Variants in SYTL5 observed in about 807,000 individuals in gnomAD.
SYTL5 encodes synaptotagmin like 5.
SYTL5 carries 34 observed loss-of-function variants against 55.9 expected under a neutral mutation model. That is an observed-to-expected ratio of 0.61 (90% CI 0.46 to 0.81). The LOEUF is 0.81. Among genes scored for constraint, SYTL5 ranks in the 30% least tolerant of loss-of-function variants. SYTL5 has a pLI of 0.00. For synonymous variants in SYTL5, 221 were observed against 188.7 expected, an observed-to-expected ratio of 1.17 and a Z score of -1.40; for missense variants, 637 against 546.7, an observed-to-expected ratio of 1.17 and a Z score of -1.65.
At chrX:38,026,565 G>A (rs1201220098) in intron 1 of SYTL5, among the ~76,000 whole-genome samples, 1 of 111,926 alleles carries the variant, frequency 8.9e-6, no homozygotes, top group Non-Finnish European at 1.9e-5. Context: ...CAGCCCCAAG[G>A]GCTGTTGGTT....
At chrX:37,954,569 C>T in the SYTL5 span, among the ~76,000 whole-genome samples, 1 of 111,775 alleles carries the variant, frequency 8.9e-6, no homozygotes, top group Non-Finnish European at 1.9e-5. Flanking sequence ...AATGGTAGAC[C>T]TCTCTATGAA....
chrX:37,910,768 T>A, the SYTL5 span, among the ~76,000 whole-genome samples: 1 of 111,803 alleles, frequency 8.9e-6, no homozygotes, highest in Non-Finnish European at 1.9e-5. Context: ...GAATTTCTGA[T>A]TCCATAGGTG....
the SYTL5 span, among the ~76,000 whole-genome samples, chrX:37,948,222 T>G: frequency 9.0e-6 from 1 of 111,081 alleles, no homozygotes; most frequent in African/African-American, 3.3e-5. Context: ...ACAGGGAACC[T>G]TATATAACAG....
At chrX:38,085,241 G>A (rs1936639124) in intron 6 of SYTL5, among the ~76,000 whole-genome samples, 1 of 111,567 alleles carries the variant, frequency 9.0e-6, no homozygotes, top group African/African-American at 3.3e-5. Flanking sequence ...TTTCAGCCTT[G>A]GCTTCATATT....
chrX:37,959,474 C>T, the SYTL5 span, among the ~76,000 whole-genome samples: 1 of 111,553 alleles, frequency 9.0e-6, no homozygotes, highest in Admixed American at 9.4e-5. Flanking sequence ...AGCTCAGGTA[C>T]CGCGGTTTAA....
the SYTL5 span, among the ~76,000 whole-genome samples, chrX:37,921,522 T>C: frequency 8.9e-6 from 1 of 111,836 alleles, no homozygotes; most frequent in Non-Finnish European, 1.9e-5. Context: ...TTCAGAATTA[T>C]TCACATCATT....
intron 8 of SYTL5, among the ~76,000 whole-genome samples, chrX:38,095,114 A>G (rs1569184448): frequency 8.9e-6 from 1 of 112,049 alleles, no homozygotes; most frequent in Non-Finnish European, 1.9e-5. Flanking sequence ...TTATATATGC[A>G]TAAAGCCTAA....
At chrX:38,084,664 G>C (rs1221950193) in intron 6 of SYTL5, among the ~76,000 whole-genome samples, 2 of 110,371 alleles carry the variant, frequency 1.8e-5, no homozygotes, top group Non-Finnish European at 3.8e-5. Context: ...TGTGAGAGCA[G>C]AGGAAAAACA....
chrX:37,906,230 T>G, the SYTL5 span: 1 of 111,861 alleles, frequency 8.9e-6, no homozygotes, highest in African/African-American at 3.3e-5. Flanking sequence ...CTGTCTGCCT[T>G]TGCTTCCTCC....
intron 3 of SYTL5, among the ~76,000 whole-genome samples, chrX:38,070,049 GA>G (rs1936213827): frequency 9.0e-6 from 1 of 111,654 alleles, no homozygotes; most frequent in African/African-American, 3.3e-5. Context: ...ATCTATGGTA[GA>G]CAAACTATGG....
the SYTL5 span, among the ~76,000 whole-genome samples, chrX:37,977,622 G>A: frequency 9.2e-6 from 1 of 108,155 alleles, no homozygotes; most frequent in South Asian, 4.2e-4. Flanking sequence ...CTGAATGTTA[G>A]GGAAATACTG....
At chrX:38,116,042 T>C (rs1018357379) in intron 13 of SYTL5, among the ~76,000 whole-genome samples, 34 of 111,827 alleles carry the variant, frequency 3.0e-4, no homozygotes, top group African/African-American at 1.0e-3. Flanking sequence ...TTTTCCCCTA[T>C]GTTTTTCCTA....
chrX:37,970,615 G>A, the SYTL5 span, among the ~76,000 whole-genome samples: 2 of 111,032 alleles, frequency 1.8e-5, no homozygotes, highest in African/African-American at 3.3e-5. Context: ...ATCCTGTTAC[G>A]TTTACCTGAT....
chrX:37,981,535 G>A, the SYTL5 span, among the ~76,000 whole-genome samples: 28 of 110,642 alleles, frequency 2.5e-4, no homozygotes, highest in African/African-American at 5.6e-4. Context: ...GAGCTCAAAC[G>A]ATCCAACTGC....
At chrX:38,027,999 A>G (rs1934834816) in intron 1 of SYTL5, among the ~76,000 whole-genome samples, 1 of 109,625 alleles carries the variant, frequency 9.1e-6, no homozygotes, top group Non-Finnish European at 1.9e-5. Flanking sequence ...AATTTTTTGT[A>G]TTTTTAGTAG....
chrX:38,116,744 T>C (rs1405733659), intron 13 of SYTL5, among the ~76,000 whole-genome samples: 2 of 112,478 alleles, frequency 1.8e-5, no homozygotes, highest in African/African-American at 3.2e-5. Context: ...AACTATATAA[T>C]TAAAATCACA....
rs200572732 is a variant in SYTL5 at position 38,043,686 on chromosome X, TATATAC to T, written c.119+9684_119+9689del. Among the ~76,000 whole-genome samples, 551 of 72,832 alleles carry T rather than the reference TATATAC, an allele frequency of 7.6e-3. 8 individuals are homozygous for T. Among genetic ancestry groups the T allele is most frequent in the African/African-American group, 0.034 (422 of 12,468 alleles). 63.2% of individuals were successfully genotyped at this position (72,832 alleles called of 115,157 possible). A position where few individuals can be genotyped will look rare whatever the true frequency, so the allele number is the denominator to read the frequency against. Reference sequence around the variant, plus strand: ...GTATATATATATATATATATATATATATATACATATATATATACATATTTTCATATA... The same window carrying T: ...GTATATATATATATATATATATATATATATATATATACATATTTTCATATA... On this transcript the variant is annotated intron_variant, in intron 2 of 16. Transcript: ENST00000297875.
At chrX:38,096,503 C>G (rs761887980) in intron 9 of SYTL5, among the ~76,000 whole-genome samples, 2 of 111,349 alleles carry the variant, frequency 1.8e-5, no homozygotes, top group East Asian at 2.8e-4. Context: ...ATCACTTAAT[C>G]TAAACCTGGG....
At chrX:37,902,238 T>C in the SYTL5 span, among the ~76,000 whole-genome samples, 2 of 111,890 alleles carry the variant, frequency 1.8e-5, no homozygotes, top group African/African-American at 6.5e-5. Flanking sequence ...TCAGGCAGAG[T>C]GTACTTCTTC....
Sources: allele counts gnomAD v4.1 joint callset (sites outside exome capture counted in the v4.1 genomes callset), GRCh38; gene constraint gnomAD v4.1.1; transcripts MANE v1.5; gene names NCBI Gene and HGNC (gene_info 2026-07-23, HGNC 2026-07-21).